Variants in ATP6V1H observed in about 807,000 individuals in gnomAD.
ATP6V1H encodes V-type proton ATPase subunit H.
A neutral mutation model predicts 71.7 loss-of-function variants in ATP6V1H; 39 were observed. The ratio of observed to expected loss-of-function variants is 0.54; its 90% CI spans 0.42 to 0.71. The LOEUF (loss-of-function observed/expected upper bound fraction) is 0.71. Ranked by LOEUF, ATP6V1H falls within the 30% of genes least tolerant of loss-of-function variation. The pLI, the probability that ATP6V1H is intolerant of heterozygous loss-of-function variation, is 0.00. For missense variants in ATP6V1H, 509 were observed against 594.9 expected (o/e 0.86, Z 1.50); for synonymous variants, 192 against 199.3 (o/e 0.96, Z 0.31).
At chr8:53,799,649 ATGTC>A (rs1809847554) in intron 8 of ATP6V1H, among the ~76,000 whole-genome samples, 1 of 152,130 alleles carries the variant, frequency 6.6e-6, no homozygotes, top group Non-Finnish European at 1.5e-5. Context: ...TATTGTCTAA[ATGTC>A]TGTGTCCCTC....
chr8:53,809,941 T>C (rs1051058222), intron 7 of ATP6V1H, among the ~76,000 whole-genome samples: 3 of 152,166 alleles, frequency 2.0e-5, no homozygotes, highest in East Asian at 1.9e-4. Context: ...CTAATAGCCA[T>C]TTTCTGGCCT....
At chr8:53,840,238 C>T (rs1367238453) in intron 2 of ATP6V1H, among the ~76,000 whole-genome samples, 2 of 152,234 alleles carry the variant, frequency 1.3e-5, no homozygotes, top group Admixed American at 1.3e-4. Context: ...TGGCTCACGC[C>T]TGTAATCCCA....
At chr8:53,788,632 TA>T (rs1389310099) in intron 9 of ATP6V1H, among the ~76,000 whole-genome samples, 1 of 152,206 alleles carries the variant, frequency 6.6e-6, no homozygotes, top group African/African-American at 2.4e-5. Context: ...TTAAATGAGT[TA>T]AGTACCATCT....
intron 9 of ATP6V1H, among the ~76,000 whole-genome samples, chr8:53,774,701 T>C (rs1321426072): frequency 6.6e-6 from 1 of 150,572 alleles, no homozygotes; most frequent in Non-Finnish European, 1.5e-5. Context: ...AGTCTAGATA[T>C]GAAAAAAAAA....
Position 53,814,656 on chromosome 8 carries a change from T to A in ATP6V1H, c.525+6A>T. On this transcript the variant is annotated splice_donor_region_variant and intron_variant, in intron 6 of 13. Transcript: ENST00000359530. ...TTCAAAGGTACTTTAAAAAATTTTC[T>A]TTTACCTGTGAACTCAGCTGAGTTT... The A allele has an allele frequency of 2.6e-6, 4 of 1,565,364 alleles. No homozygotes were observed. The highest frequency in any genetic ancestry group is 1.8e-5 in the Admixed American group (1 of 56,684).
Position 53,817,533 on chromosome 8 carries a change from A to G in ATP6V1H, c.307-3T>C. 6.3e-7 allele frequency: 1 copy of G among 1,592,962 alleles called. No individual in the cohort carries two copies. Among genetic ancestry groups the G allele is most frequent in the East Asian group, 2.2e-5 (1 of 44,668 alleles). On this transcript the variant is annotated splice_polypyrimidine_tract_variant and splice_region_variant and intron_variant, in intron 4 of 13. Transcript: ENST00000359530. Reference sequence around the variant, plus strand: ...ATGCTAACACGCTGATGATTTTCCTAAAAAAGAAAAGAAATGATATCACCA... The same window carrying G: ...ATGCTAACACGCTGATGATTTTCCTGAAAAAGAAAAGAAATGATATCACCA...
At chr8:53,735,379 T>TC (rs1245400380) in intron 13 of ATP6V1H, among the ~76,000 whole-genome samples, 5 of 152,050 alleles carry the variant, frequency 3.3e-5, no homozygotes, top group Admixed American at 3.3e-4. Flanking sequence ...AACAGCAAAG[T>TC]TATTAAAGAT....
chr8:53,810,490 C>T (rs1810238704), intron 7 of ATP6V1H, among the ~76,000 whole-genome samples: 1 of 152,158 alleles, frequency 6.6e-6, no homozygotes, highest in South Asian at 2.1e-4. Context: ...GCCTGTAATC[C>T]CAGCACTTTG....
At chr8:53,716,127 A>G in intron 13 of ATP6V1H, 103 bp from the exon 14 acceptor site, 1 of 840,736 alleles carries the variant, frequency 1.2e-6, no homozygotes, top group South Asian at 2.0e-5. Context: ...TTACTTTAAC[A>G]TCCAAAAATA....
chr8:53,764,146 G>C (rs1274260798), intron 11 of ATP6V1H, among the ~76,000 whole-genome samples: 1 of 152,094 alleles, frequency 6.6e-6, no homozygotes, highest in Non-Finnish European at 1.5e-5. Flanking sequence ...TCCAGAAAAA[G>C]AAGCAGCGGG....
At chr8:53,734,631 C>A (rs1011570130) in intron 13 of ATP6V1H, among the ~76,000 whole-genome samples, 2 of 152,178 alleles carry the variant, frequency 1.3e-5, no homozygotes, top group Non-Finnish European at 2.9e-5. Flanking sequence ...AGCAAGAAAT[C>A]CTGCAACTAT....
chr8:53,758,018 T>C (rs1808135200), intron 11 of ATP6V1H, among the ~76,000 whole-genome samples: 9 of 152,026 alleles, frequency 5.9e-5, no homozygotes, highest in Admixed American at 5.9e-4. Context: ...TCAGGAAGAG[T>C]CTGAGATTGA....
chr8:53,813,052 T>C (rs1045853550), intron 6 of ATP6V1H, among the ~76,000 whole-genome samples: 1 of 152,190 alleles, frequency 6.6e-6, no homozygotes, highest in Non-Finnish European at 1.5e-5. Context: ...AAGGGAGAAG[T>C]GTATCCTATT....
At chr8:53,792,866 T>C (rs904500560) in intron 9 of ATP6V1H, among the ~76,000 whole-genome samples, 2 of 152,258 alleles carry the variant, frequency 1.3e-5, no homozygotes, top group African/African-American at 4.8e-5. Flanking sequence ...ACGCATCATA[T>C]TGCCTGAGTT....
intron 9 of ATP6V1H, among the ~76,000 whole-genome samples, chr8:53,783,847 C>T (rs1463438045): frequency 4.6e-5 from 7 of 152,268 alleles, no homozygotes; most frequent in East Asian, 1.9e-4. Flanking sequence ...TGTAGTTGAG[C>T]GGTTCTGAGT....
At chr8:53,797,832 C>T (rs1203553112) in intron 8 of ATP6V1H, among the ~76,000 whole-genome samples, 1 of 151,890 alleles carries the variant, frequency 6.6e-6, no homozygotes, top group Non-Finnish European at 1.5e-5. Context: ...AACCCCATCT[C>T]TATCAAAAAA....
intron 12 of ATP6V1H, among the ~76,000 whole-genome samples, chr8:53,754,208 G>A (rs1005457514): frequency 2.0e-5 from 3 of 152,172 alleles, no homozygotes; most frequent in African/African-American, 7.2e-5. Flanking sequence ...AGAGATAGGA[G>A]TGCAAAAGGC....
At chr8:53,800,155 C>A (rs1389826423) in intron 8 of ATP6V1H, among the ~76,000 whole-genome samples, 1 of 152,126 alleles carries the variant, frequency 6.6e-6, no homozygotes, top group Non-Finnish European at 1.5e-5. Context: ...GAGAAGATAC[C>A]CTGTGCGACC....
intron 13 of ATP6V1H, among the ~76,000 whole-genome samples, chr8:53,725,308 G>C (rs1289856809): frequency 6.6e-6 from 1 of 151,984 alleles, no homozygotes; most frequent in Non-Finnish European, 1.5e-5. Context: ...TGCCACCGTG[G>C]GACTCTACAG....
Sources: gnomAD v4.1 joint callset for allele counts (sites outside exome capture counted in the v4.1 genomes callset) on GRCh38, gnomAD v4.1.1 for gene constraint, MANE v1.5 for transcripts, NCBI Gene and HGNC (gene_info 2026-07-23, HGNC 2026-07-21) for gene names.